LSAMP: variants seen among roughly 807,000 people sequenced by gnomAD.
LSAMP encodes the protein limbic system associated membrane protein.
A neutral mutation model predicts 38.6 loss-of-function variants in LSAMP; 7 were observed. That is an observed-to-expected ratio of 0.18 (90% CI 0.10 to 0.34). LSAMP has a LOEUF of 0.34. LSAMP is among the 10% of genes least tolerant of loss of function. LSAMP has a pLI of 1.00. For missense variants in LSAMP, 313 were observed against 420.0 expected (o/e 0.75, Z 2.23); for synonymous variants, 154 against 166.8 (o/e 0.92, Z 0.59).
intron 2 of LSAMP, among the ~76,000 whole-genome samples, chr3:116,054,319 G>A (rs1297667987): frequency 2.0e-5 from 3 of 152,114 alleles, no homozygotes; most frequent in African/African-American, 7.2e-5. Context: ...TTCATCTCAA[G>A]TCGTTAATTT....
At chr3:116,336,274 T>C (rs974390015) in intron 1 of LSAMP, among the ~76,000 whole-genome samples, 14 of 152,006 alleles carry the variant, frequency 9.2e-5, no homozygotes, top group African/African-American at 3.4e-4. Flanking sequence ...GGTGGACTTT[T>C]GGAAATTAAA....
intron 1 of LSAMP, among the ~76,000 whole-genome samples, chr3:116,307,452 A>C (rs1306855555): frequency 6.6e-6 from 1 of 151,998 alleles, no homozygotes; most frequent in Non-Finnish European, 1.5e-5. Flanking sequence ...TGCTGGGTAC[A>C]ATTCTCAAAG....
At chr3:116,221,874 T>TGTGTGC (rs2046290203) in intron 1 of LSAMP, among the ~76,000 whole-genome samples, 1 of 151,898 alleles carries the variant, frequency 6.6e-6, no homozygotes, top group South Asian at 2.1e-4. Flanking sequence ...TGTGTGTGTG[T>TGTGTGC]GTGTAGGTGA....
chr3:115,837,293 AT>A (rs34754406), intron 6 of LSAMP, among the ~76,000 whole-genome samples: 42,003 of 149,714 alleles, frequency 0.28, 6,642 homozygotes, highest in East Asian at 0.44. Context: ...CCCAGTGTAG[AT>A]TTTTTTTTTT....
At chr3:116,150,731 A>G (rs1392573201) in intron 1 of LSAMP, among the ~76,000 whole-genome samples, 2 of 151,992 alleles carry the variant, frequency 1.3e-5, no homozygotes, top group East Asian at 3.9e-4. Flanking sequence ...AAAATGCCCT[A>G]TGAGAGGACA....
At position 116,304,424 on chromosome 3, in the gene LSAMP, C is replaced by T. The variant is rs561560451; in HGVS notation, c.155+140453G>A. On this transcript the variant is annotated intron_variant, in intron 1 of 6. Coordinates refer to ENST00000490035, the MANE Select transcript of LSAMP (RefSeq NM_002338.5). ...AAGCTGTTTCGGACAAAGGAAACTA[C>T]AGGGAAAACCTTTTGAAACAACATG... Among the ~76,000 whole-genome samples, 6 of 152,156 alleles carry T rather than the reference C, an allele frequency of 3.9e-5. No homozygotes were observed. The South Asian group carries it at 6.2e-4, about 16-fold the overall frequency.
At chr3:116,174,734 C>G (rs907811918) in intron 1 of LSAMP, among the ~76,000 whole-genome samples, 2 of 152,014 alleles carry the variant, frequency 1.3e-5, no homozygotes, top group Non-Finnish European at 2.9e-5. Context: ...AAGTCCATCT[C>G]ACAAAACAAT....
At chr3:116,077,856 T>G (rs1190710113) in intron 2 of LSAMP, among the ~76,000 whole-genome samples, 1 of 152,222 alleles carries the variant, frequency 6.6e-6, no homozygotes, top group African/African-American at 2.4e-5. Context: ...TAGAGGCCAG[T>G]CTTTCTATAG....
intron 3 of LSAMP, among the ~76,000 whole-genome samples, chr3:116,015,594 A>T (rs1323531075): frequency 6.6e-6 from 1 of 152,148 alleles, no homozygotes; most frequent in Non-Finnish European, 1.5e-5. Flanking sequence ...GAAATATAAG[A>T]AGGCATGCAG....
intron 1 of LSAMP, among the ~76,000 whole-genome samples, chr3:116,437,169 C>T (rs771720690): frequency 1.3e-5 from 2 of 151,716 alleles, no homozygotes; most frequent in Non-Finnish European, 2.9e-5. Context: ...GAATGTAAAA[C>T]CAAACATCAT....
At chr3:116,417,309 AGGGTTGTTTCTCT>A (rs1445862260) in intron 1 of LSAMP, among the ~76,000 whole-genome samples, 6 of 152,292 alleles carry the variant, frequency 3.9e-5, no homozygotes, top group Admixed American at 2.6e-4. Context: ...CACATTTAAC[AGGGTTGTTTCTCT>A]GGGTCAGTCC....
At chr3:115,995,505 C>G (rs938912499) in intron 3 of LSAMP, among the ~76,000 whole-genome samples, 2 of 151,970 alleles carry the variant, frequency 1.3e-5, no homozygotes, top group African/African-American at 4.8e-5. Flanking sequence ...CTGATTAATA[C>G]CAATTTCTAA....
chr3:115,991,068 C>T (rs921932617), intron 3 of LSAMP, among the ~76,000 whole-genome samples: 1 of 151,974 alleles, frequency 6.6e-6, no homozygotes, highest in African/African-American at 2.4e-5. Flanking sequence ...CCCGGCTATG[C>T]CTCCATTTCT....
At chr3:116,071,728 T>C (rs557913374) in intron 2 of LSAMP, among the ~76,000 whole-genome samples, 53 of 152,190 alleles carry the variant, frequency 3.5e-4, no homozygotes, top group Non-Finnish European at 5.3e-4. Context: ...CCATTAGCTA[T>C]TCTTTCTGAT....
At chr3:116,083,140 G>A (rs1341170176) in intron 2 of LSAMP, among the ~76,000 whole-genome samples, 2 of 152,142 alleles carry the variant, frequency 1.3e-5, no homozygotes, top group East Asian at 1.9e-4. Flanking sequence ...AACGGAAGGA[G>A]CCTACTGCAA....
intron 1 of LSAMP, among the ~76,000 whole-genome samples, chr3:116,338,064 A>C (rs887059757): frequency 2.0e-5 from 3 of 151,960 alleles, no homozygotes; most frequent in African/African-American, 7.2e-5. Context: ...CAAATAATTA[A>C]ATTTGGCTTT....
chr3:116,409,347 T>C (rs2048941363), intron 1 of LSAMP, among the ~76,000 whole-genome samples: 1 of 152,032 alleles, frequency 6.6e-6, no homozygotes, highest in Non-Finnish European at 1.5e-5. Flanking sequence ...ACATGTCTTT[T>C]TGTAAGGTCT....
intron 3 of LSAMP, among the ~76,000 whole-genome samples, chr3:115,962,463 C>T (rs1300885196): frequency 2.0e-5 from 3 of 152,122 alleles, no homozygotes; most frequent in South Asian, 2.1e-4. Flanking sequence ...CCTTGGAGAA[C>T]GAAGATCCAG....
At chr3:116,406,104 C>T (rs370450863) in intron 1 of LSAMP, among the ~76,000 whole-genome samples, 26 of 152,048 alleles carry the variant, frequency 1.7e-4, no homozygotes, top group African/African-American at 4.8e-4. Flanking sequence ...AAAATCTGGA[C>T]GTGTACATCT....
Sources: allele counts gnomAD v4.1 joint callset (sites outside exome capture counted in the v4.1 genomes callset), GRCh38; gene constraint gnomAD v4.1.1; transcripts MANE v1.5; gene names NCBI Gene and HGNC (gene_info 2026-07-23, HGNC 2026-07-21).